BMPR1B: variants seen among roughly 807,000 people sequenced by gnomAD.
BMPR1B encodes the protein bone morphogenetic protein receptor type-1B.
A neutral mutation model predicts 59.1 loss-of-function variants in BMPR1B; 12 were observed. The ratio of observed to expected loss-of-function variants is 0.20; its 90% CI spans 0.13 to 0.33. The LOEUF (loss-of-function observed/expected upper bound fraction) is 0.33. BMPR1B is among the 10% of genes least tolerant of loss of function. The pLI, the probability that BMPR1B is intolerant of heterozygous loss-of-function variation, is 1.00. For synonymous variants in BMPR1B, 237 were observed against 207.3 expected (o/e 1.14, Z -1.23); for missense variants, 550 against 610.9 (o/e 0.90, Z 1.05).
rs527412357 is a variant in BMPR1B at position 95,100,749 on chromosome 4, T to C, written c.-17-3659T>C. 8.5e-5 allele frequency among the ~76,000 whole-genome samples: 13 copies of C among 152,316 alleles called. No homozygotes were observed. The East Asian group carries it at 2.5e-3, about 29-fold the overall frequency. ...ATTTTGTACTGTGTTGTAGATTTCCTAATCTTTATCTTTCAGCTCACCTGC... is the reference window on the plus strand; with the variant it reads ...ATTTTGTACTGTGTTGTAGATTTCCCAATCTTTATCTTTCAGCTCACCTGC... On this transcript the variant is annotated intron_variant, in intron 3 of 12. Transcript: ENST00000515059.
chr4:95,115,906 C>A, intron 6 of BMPR1B, 119 bp downstream of exon 6: 1 of 901,482 alleles, frequency 1.1e-6, no homozygotes, highest in South Asian at 1.4e-5. Context: ...GAGCAGAGCA[C>A]TGAGGCCAGA....
chr4:94,846,757 G>T (rs767807742), intron 1 of BMPR1B, among the ~76,000 whole-genome samples: 2 of 151,412 alleles, frequency 1.3e-5, no homozygotes, highest in African/African-American at 4.9e-5. Context: ...CATTAGTTCT[G>T]TCCTTCTAGA....
intron 3 of BMPR1B, among the ~76,000 whole-genome samples, chr4:95,081,719 A>C (rs527483468): frequency 6.6e-6 from 1 of 152,302 alleles, no homozygotes; most frequent in African/African-American, 2.4e-5. Context: ...CGTGATGTCC[A>C]ATTTTAGTGT....
At chr4:94,891,372 A>G (rs569239896) in intron 2 of BMPR1B, among the ~76,000 whole-genome samples, 3 of 152,256 alleles carry the variant, frequency 2.0e-5, no homozygotes, top group East Asian at 1.9e-4. Flanking sequence ...TAACAGATAC[A>G]TATATGAAAA....
chr4:94,949,866 A>C (rs961098412), intron 2 of BMPR1B, among the ~76,000 whole-genome samples: 1 of 152,176 alleles, frequency 6.6e-6, no homozygotes, highest in Non-Finnish European at 1.5e-5. Flanking sequence ...GAATTGCCAC[A>C]TTGTCTTCCA....
At chr4:94,849,798 G>GTGTGTT (rs374209783) in intron 1 of BMPR1B, among the ~76,000 whole-genome samples, 67,419 of 149,570 alleles carry the variant, frequency 0.45, 15,650 homozygotes, top group African/African-American at 0.56. Flanking sequence ...TTTTTGGTGT[G>GTGTGTT]TGTGTGTGTG....
intron 2 of BMPR1B, among the ~76,000 whole-genome samples, chr4:94,966,803 A>G (rs1422362610): frequency 2.0e-5 from 3 of 152,170 alleles, no homozygotes. Context: ...CCTAAGTTTG[A>G]TGACTAATAT....
At chr4:95,145,123 T>C (rs1734549456) in intron 10 of BMPR1B, among the ~76,000 whole-genome samples, 2 of 152,256 alleles carry the variant, frequency 1.3e-5, no homozygotes, top group African/African-American at 4.8e-5. Context: ...TTCTCTGGTT[T>C]TTCTTTTTAA....
At chr4:94,840,293 A>T (rs1355250244) in intron 1 of BMPR1B, among the ~76,000 whole-genome samples, 4 of 148,086 alleles carry the variant, frequency 2.7e-5, no homozygotes, top group Admixed American at 6.7e-5. Context: ...TATTTCCTGA[A>T]TCTGAACGTT....
chr4:94,977,663 C>T (rs925725024), intron 2 of BMPR1B, among the ~76,000 whole-genome samples: 2 of 152,056 alleles, frequency 1.3e-5, no homozygotes, highest in African/African-American at 4.8e-5. Flanking sequence ...TTGAGACCAG[C>T]CTGGCCAACA....
chr4:95,017,121 C>T (rs535767943), intron 3 of BMPR1B, among the ~76,000 whole-genome samples: 21 of 152,296 alleles, frequency 1.4e-4, no homozygotes, highest in African/African-American at 5.1e-4. Context: ...CTTTCCTTAA[C>T]CCCACTCTTC....
intron 2 of BMPR1B, among the ~76,000 whole-genome samples, chr4:94,908,147 G>A (rs905099080): frequency 6.7e-6 from 1 of 148,992 alleles, no homozygotes; most frequent in African/African-American, 2.5e-5. Flanking sequence ...ATAAGTAGAG[G>A]AAATTTGAGC....
intron 1 of BMPR1B, among the ~76,000 whole-genome samples, chr4:94,848,376 C>G (rs1015137961): frequency 6.6e-6 from 1 of 152,136 alleles, no homozygotes; most frequent in Non-Finnish European, 1.5e-5. Context: ...CTTTGACTTT[C>G]ATGGATTAGG....
intron 2 of BMPR1B, among the ~76,000 whole-genome samples, chr4:94,992,036 T>C (rs1204130523): frequency 6.6e-6 from 1 of 152,158 alleles, no homozygotes; most frequent in Non-Finnish European, 1.5e-5. Context: ...ATCCATCTGC[T>C]CTTCCCAGCT....
intron 3 of BMPR1B, among the ~76,000 whole-genome samples, chr4:95,034,643 A>T (rs528642576): frequency 5.4e-5 from 8 of 149,304 alleles, no homozygotes; most frequent in African/African-American, 2.0e-4. Flanking sequence ...TTCCATGTTT[A>T]TATATATATA....
intron 3 of BMPR1B, among the ~76,000 whole-genome samples, chr4:95,058,829 G>T (rs1178578730): frequency 6.6e-6 from 1 of 151,808 alleles, no homozygotes; most frequent in Non-Finnish European, 1.5e-5. Flanking sequence ...ATTTTTTTCA[G>T]ATCTGAAGAA....
chr4:95,102,537 G>A (rs923168760), intron 3 of BMPR1B, among the ~76,000 whole-genome samples: 9 of 152,156 alleles, frequency 5.9e-5, no homozygotes, highest in Non-Finnish European at 1.2e-4. Flanking sequence ...TTTATTACTT[G>A]GTCTACTGAG....
intron 3 of BMPR1B, among the ~76,000 whole-genome samples, chr4:95,002,218 A>G (rs1340472070): frequency 6.6e-6 from 1 of 152,200 alleles, no homozygotes; most frequent in African/African-American, 2.4e-5. Flanking sequence ...GCTACTTAAT[A>G]AGTGAGAATA....
intron 2 of BMPR1B, among the ~76,000 whole-genome samples, chr4:94,930,214 G>T (rs182120857): frequency 1.6e-4 from 25 of 152,098 alleles, no homozygotes; most frequent in Non-Finnish European, 3.5e-4. Context: ...TTCCTAAATG[G>T]ATTCTCAGAA....
Sources: allele counts gnomAD v4.1 joint callset (sites outside exome capture counted in the v4.1 genomes callset), GRCh38; gene constraint gnomAD v4.1.1; transcripts MANE v1.5; gene names NCBI Gene and HGNC (gene_info 2026-07-23, HGNC 2026-07-21).